The following SLC22A8 variants were observed in gnomAD, a reference collection of about 807,000 sequenced individuals.
SLC22A8 encodes the protein solute carrier family 22 member 8.
SLC22A8 carries 40 observed loss-of-function variants against 48.4 expected under a neutral mutation model. The observed-to-expected ratio is 0.83, with a 90% CI of 0.64 to 1.08. SLC22A8 has a LOEUF of 1.08. Among genes scored for constraint, SLC22A8 ranks in the 50% least tolerant of loss-of-function variants. The pLI, the probability that SLC22A8 is intolerant of heterozygous loss-of-function variation, is 0.00. For missense variants in SLC22A8, 606 were observed against 699.0 expected, an observed-to-expected ratio of 0.87 and a Z score of 1.50; for synonymous variants, 268 against 286.3, an observed-to-expected ratio of 0.94 and a Z score of 0.65.
In SLC22A8 at chr11:63,015,024, C is replaced by T. The variant is rs902556118; in HGVS notation, c.-25-41G>A. The T allele has an allele frequency of 2.4e-5, 34 of 1,403,456 alleles. No homozygotes were observed. The Admixed American group carries it at 6.4e-4, about 26-fold the overall frequency. The allele number at this position is 1,403,456 out of a possible 1,614,324, so 86.9% of individuals were successfully genotyped here. ...AGGCCAGGGAGAGGTATATTTGTGCCTGGTAGTGCGTGGGTCTATGGAACG... is the reference window on the plus strand; with the variant it reads ...AGGCCAGGGAGAGGTATATTTGTGCTTGGTAGTGCGTGGGTCTATGGAACG... On this transcript the variant is annotated intron_variant, in intron 1 of 10. Coordinates refer to ENST00000336232, the MANE Select transcript of SLC22A8 (RefSeq NM_004254.4).
In SLC22A8 at chr11:62,996,035, G is replaced by A. The variant is rs1241864187; in HGVS notation, c.879C>T (p.Ser293=). The change falls in exon 6 of 11, where the codon AGC becomes AGT. Residue 293 remains serine (S), a synonymous_variant. Transcript: ENST00000336232. ...NGKKEEGERL[S]LEELKLNLQK... ...TATAGTCCTCAGCCCCTACCTCCAA[G>A]CTGAGCCTTTCTCCCTCTTCCTTCT... 7 of 1,614,114 alleles carry A rather than the reference G, an allele frequency of 4.3e-6. No homozygotes were observed. The South Asian group carries it at 7.7e-5, about 18-fold the overall frequency.
At position 62,993,283 on chromosome 11, in the gene SLC22A8, T is replaced by A. The variant is rs763679204; in HGVS notation, c.1583A>T (p.Gln528Leu). The A allele has an allele frequency of 6.2e-7, 1 of 1,613,612 alleles. No homozygotes were observed. Among genetic ancestry groups the A allele is most frequent in the South Asian group, 1.1e-5 (1 of 91,020 alleles). Residue 528 changes from glutamine to leucine, a missense_variant, in exon 11 of 11, where the codon CAG becomes CTG. Physicochemically the swap from Gln to Leu is moderately radical, Grantham distance 113 (BLOSUM62 -2). Coordinates refer to ENST00000336232, the MANE Select transcript of SLC22A8 (RefSeq NM_004254.4). ...TCCGTGAGGCTGTAGAGGGATCCTC[T>A]GGGAGGCCTTTTCCACCTCTGGCTC... ...KQEPEVEKAS[Q>L]RIPLQPHGPG...
chr11:62,999,403 CTG>C, intron 4 of SLC22A8: 1 of 481,070 alleles, frequency 2.1e-6, no homozygotes, highest in East Asian at 3.1e-5. Context: ...GTTTCCTGAT[CTG>C]TAAAATGGGA....
In SLC22A8 at chr11:62,994,591, G is replaced by C. The variant is rs1335830281; in HGVS notation, c.1167C>G (p.Ala389=). ...AGATGGCCCCTCCTGCCAGGAGCAG[G>C]GCAGCGGCCTGAGTGGTATGCCGGC... ...YLGRHTTQAA[A]LLLAGGAILA... Residue 389 remains alanine, a synonymous_variant, in exon 8 of 11, where the codon GCC becomes GCG. Transcript: ENST00000336232. The C allele has an allele frequency of 1.2e-6, 2 of 1,613,810 alleles. No homozygotes were observed. Among genetic ancestry groups the C allele is most frequent in the Non-Finnish European group, 8.5e-7 (1 of 1,179,894 alleles).
Position 62,992,999 on chromosome 11 carries a change from G to C in SLC22A8, c.*238C>G. 1.8e-6 allele frequency: 1 copy of C among 569,428 alleles called. No individual in the cohort carries two copies. Among genetic ancestry groups the C allele is most frequent in the East Asian group, 2.8e-5 (1 of 35,290 alleles). 35.3% of individuals were successfully genotyped at this position (569,428 alleles called of 1,614,324 possible). A position where few individuals can be genotyped will look rare whatever the true frequency, so the allele number is the denominator to read the frequency against. ...TGGGGGAAGGTGGCCAGTGGGGAAG[G>C]GCTAGACAGAAGAATGGCAGGGCCT... is the stretch of plus-strand genomic sequence containing the variant. On this transcript the variant is annotated 3_prime_UTR_variant, in exon 11 of 11. Transcript: ENST00000336232.
At chr11:62,995,592 AT>A in intron 7 of SLC22A8, 111 bp downstream of exon 7, 1 of 752,092 alleles carries the variant, frequency 1.3e-6, no homozygotes, top group South Asian at 1.6e-5. Flanking sequence ...AGGAGAGGGG[AT>A]TCTCTGACTT....
intron 2 of SLC22A8, among the ~76,000 whole-genome samples, chr11:63,003,141 C>G (rs1314921736): frequency 6.6e-6 from 1 of 152,232 alleles, no homozygotes. Context: ...CTGGCCCCTG[C>G]CTACCTGTCT....
chr11:62,996,387 G>C (rs1380472547), intron 5 of SLC22A8, among the ~76,000 whole-genome samples: 1 of 152,202 alleles, frequency 6.6e-6, no homozygotes, highest in South Asian at 2.1e-4. Flanking sequence ...CTCTGCCCCC[G>C]ACCTGGGCCA....
At position 63,000,623 on chromosome 11, in the gene SLC22A8, C is replaced by G. The variant is rs11231298; in HGVS notation, c.437+97G>C. 0.015 allele frequency: 12,685 copies of G among 831,450 alleles called. 1,059 individuals are homozygous for G. In the African/African-American group the frequency reaches 0.19, roughly 12 times the overall value. The allele number at this position is 831,450 out of a possible 1,614,324, so 51.5% of individuals were successfully genotyped here. A position where few individuals can be genotyped will look rare whatever the true frequency, so the allele number is the denominator to read the frequency against. On this transcript the variant is annotated intron_variant, in intron 3 of 10. Coordinates refer to ENST00000336232, the MANE Select transcript of SLC22A8 (RefSeq NM_004254.4). ...CAGCAAGAGCCATCCCACCCTCCCC[C>G]AGCTCTTTGCCTCTTTGCGGGTGCA... is the stretch of plus-strand genomic sequence containing the variant.
In SLC22A8 at chr11:62,998,837, G is replaced by A. The variant is rs1045486677; in HGVS notation, c.761+84C>T. On this transcript the variant is annotated intron_variant, in intron 5 of 10. Transcript: ENST00000336232. ...GGGACTGGGTGCCCGGGGACACAGA[G>A]TTGGCCAGCCTGGGCAGGTATGGGC... 1.2e-5 allele frequency: 15 copies of A among 1,283,018 alleles called. No homozygotes were observed. The African/African-American group carries it at 2.1e-4, about 18-fold the overall frequency. The allele number at this position is 1,283,018 out of a possible 1,614,324, so 79.5% of individuals were successfully genotyped here.
chr11:62,995,556 G>T lies in SLC22A8; in HGVS notation c.1001+148C>A. On this transcript the variant is annotated intron_variant, in intron 7 of 10. Coordinates refer to ENST00000336232, the MANE Select transcript of SLC22A8 (RefSeq NM_004254.4). ...GGGGCAGGAATGCAGCAGATTTCTG[G>T]GGTTGGGGCTGGGCTGTGGTGGCCC... 9.6e-6 allele frequency: 6 copies of T among 627,724 alleles called. No individual in the cohort carries two copies. In the East Asian group the frequency reaches 1.6e-4, roughly 17 times the overall value. The allele number at this position is 627,724 out of a possible 1,614,324, so 38.9% of individuals were successfully genotyped here.
intron 6 of SLC22A8, 78 bp from the exon 7 acceptor site, chr11:62,995,897 G>C: frequency 6.7e-7 from 1 of 1,503,612 alleles, no homozygotes; most frequent in Non-Finnish European, 9.3e-7. Context: ...TGCAGGCGTG[G>C]TGCCTCTAGA....
chr11:63,001,410 A>T (rs2086493046), intron 2 of SLC22A8, among the ~76,000 whole-genome samples: 1 of 152,080 alleles, frequency 6.6e-6, no homozygotes, highest in Non-Finnish European at 1.5e-5. Context: ...CTCCATCCTC[A>T]TCTCCTTTTC....
rs769708709 is a variant in SLC22A8, at chr11:62,998,921, CA to C, written c.760del (p.Trp254GlyfsTer20). 6 of 1,603,758 alleles carry C rather than the reference CA, an allele frequency of 3.7e-6. No individual in the cohort carries two copies. The highest frequency in any genetic ancestry group is 5.1e-6 in the Non-Finnish European group (6 of 1,171,858). ...IPFFVFFLSS[W>X]WTPESIRWLV... is the part of the protein sequence containing the mutation. The stretch of plus-strand genomic sequence containing the variant: ...AGATGAAGAGGAGAGGGCCACATAC[CA>C]GGATGATAGGAAGAAGACGAAGAAG... On this transcript the variant is annotated frameshift_variant and splice_region_variant, in exon 5 of 11. Transcript: ENST00000336232. LOFTEE classifies it high-confidence loss of function.
rs1287542149 is a variant in SLC22A8 at position 62,995,726 on chromosome 11, T to G, written c.979A>C (p.Thr327Pro). ...TACCAGGCCAGGGAAAGACAGAAGG[T>G]CATGCGGCGCAGCATGGGTATCCGG... ...LFRIPMLRRM[T>P]FCLSLAWFAT... Residue 327 changes from threonine to proline, a missense_variant, in exon 7 of 11, where the codon ACC (threonine) becomes CCC (proline). Transcript: ENST00000336232. 11 of 1,613,794 alleles carry G rather than the reference T, an allele frequency of 6.8e-6. No individual in the cohort carries two copies. The highest frequency in any genetic ancestry group is 9.3e-6 in the Non-Finnish European group (11 of 1,179,862).
chr11:63,008,355 G>A (rs543334222), intron 2 of SLC22A8, among the ~76,000 whole-genome samples: 2 of 152,300 alleles, frequency 1.3e-5, no homozygotes, highest in South Asian at 4.1e-4. Flanking sequence ...GCTAGGTCAG[G>A]TCTAGCTTAG....
intron 2 of SLC22A8, among the ~76,000 whole-genome samples, chr11:63,001,355 C>T (rs780430365): frequency 8.5e-5 from 13 of 152,186 alleles, no homozygotes; most frequent in Non-Finnish European, 1.8e-4. Flanking sequence ...TTCTCTCTTC[C>T]CTTCAAAGCC....
At chr11:62,997,481 C>G (rs1246599114) in intron 5 of SLC22A8, among the ~76,000 whole-genome samples, 1 of 152,106 alleles carries the variant, frequency 6.6e-6, no homozygotes, top group Non-Finnish European at 1.5e-5. Flanking sequence ...CTCAGCCTCC[C>G]AAAGTGCTGG....
At chr11:63,000,385 G>A (rs2086478001) in intron 3 of SLC22A8, among the ~76,000 whole-genome samples, 1 of 151,880 alleles carries the variant, frequency 6.6e-6, no homozygotes, top group Non-Finnish European at 1.5e-5. Context: ...TCGGGTGGCT[G>A]AGGCAGGAGA....
Sources: allele counts gnomAD v4.1 joint callset (sites outside exome capture counted in the v4.1 genomes callset), GRCh38; gene constraint gnomAD v4.1.1; transcripts MANE v1.5; gene names NCBI Gene and HGNC (gene_info 2026-07-23, HGNC 2026-07-21).